The following RABEP1 variants were observed in gnomAD, a reference collection of about 807,000 sequenced individuals.
The protein encoded by RABEP1 is rabaptin, RAB GTPase binding effector protein 1.
Under a neutral mutation model 123.4 loss-of-function variants are expected in RABEP1, and 51 were observed. The ratio of observed to expected loss-of-function variants is 0.41; its 90% confidence interval spans 0.33 to 0.52. RABEP1 has a LOEUF of 0.52. RABEP1 is among the 20% of genes least tolerant of loss of function. RABEP1 has a pLI of 0.16. For synonymous variants in RABEP1, 347 were observed against 355.2 expected, an observed-to-expected ratio of 0.98 and a Z score of 0.26; for missense variants, 888 against 996.3, an observed-to-expected ratio of 0.89 and a Z score of 1.46.
intron 13 of RABEP1, among the ~76,000 whole-genome samples, chr17:5,373,691 T>G (rs1910718567): frequency 1.6e-5 from 1 of 63,406 alleles, no homozygotes; most frequent in African/African-American, 4.8e-5. Flanking sequence ...CTACACCAGC[T>G]AAACACACAC....
chr17:5,346,630 A>G (rs551337161), intron 5 of RABEP1, among the ~76,000 whole-genome samples, 160 bp from the exon 6 acceptor site: 3 of 152,306 alleles, frequency 2.0e-5, no homozygotes, highest in South Asian at 4.1e-4. Context: ...CCAGTTTTCT[A>G]TAGTACATAT....
At chr17:5,340,838 C>T (rs1347616984) in intron 5 of RABEP1, among the ~76,000 whole-genome samples, 2 of 151,032 alleles carry the variant, frequency 1.3e-5, no homozygotes, top group East Asian at 2.0e-4. Flanking sequence ...ATCCCAGCTA[C>T]TGGGGAGGCT....
intron 5 of RABEP1, among the ~76,000 whole-genome samples, chr17:5,344,538 C>T (rs923012264): frequency 8.0e-4 from 121 of 151,766 alleles, no homozygotes; most frequent in Non-Finnish European, 1.4e-3. Context: ...TTTGGGAGGC[C>T]GAGGCGGGCG....
chr17:5,377,440 T>A, intron 14 of RABEP1, 135 bp downstream of exon 14: 1 of 539,514 alleles, frequency 1.9e-6, no homozygotes, highest in Non-Finnish European at 3.0e-6. Flanking sequence ...GTCCATTTTT[T>A]GTAGATATTC....
chr17:5,290,122 C>G (rs1287352694), intron 1 of RABEP1, among the ~76,000 whole-genome samples: 2 of 152,226 alleles, frequency 1.3e-5, no homozygotes, highest in Non-Finnish European at 2.9e-5. Context: ...GAGTCTCGCT[C>G]TGTCGCCCAG....
intron 2 of RABEP1, 101 bp downstream of exon 2, chr17:5,308,923 T>C: frequency 8.4e-7 from 1 of 1,195,158 alleles, no homozygotes; most frequent in Non-Finnish European, 1.1e-6. Context: ...AAACCTTGAT[T>C]TTATTTGTAC....
Position 5,385,962 on chromosome 17 carries a change from G to A in RABEP1, c.*2739G>A. ...TAGGGTTCAGGGAGGTTCTGGCAGT[G>A]TGCAGTGTGAAATAATCCTGAGTCC... On this transcript the variant is annotated 3_prime_UTR_variant, in exon 18 of 18. Transcript: ENST00000537505. 2.2e-6 allele frequency: 1 copy of A among 457,906 alleles called. No individual in the cohort carries two copies. The highest frequency in any genetic ancestry group is 3.5e-5 in the East Asian group (1 of 28,226). 28.4% of individuals were successfully genotyped at this position (457,906 alleles called of 1,614,324 possible).
chr17:5,289,078 G>T (rs898738301), intron 1 of RABEP1, among the ~76,000 whole-genome samples: 2 of 151,992 alleles, frequency 1.3e-5, no homozygotes, highest in Admixed American at 6.6e-5. Context: ...TTATTGGCTG[G>T]CTGGCTTGCT....
chr17:5,380,318 G>T (rs905627961), intron 15 of RABEP1, 46 bp from the exon 16 acceptor site: 10 of 1,345,854 alleles, frequency 7.4e-6, no homozygotes, highest in Non-Finnish European at 8.2e-6. Flanking sequence ...GTGCACTGGG[G>T]CCCAGAGGGA....
chr17:5,357,778 A>G (rs1298005250), intron 8 of RABEP1, among the ~76,000 whole-genome samples: 2 of 152,234 alleles, frequency 1.3e-5, no homozygotes, highest in Non-Finnish European at 2.9e-5. Flanking sequence ...GCAGAGGTAC[A>G]GCACACCTTG....
At chr17:5,315,952 G>A (rs1194286576) in intron 2 of RABEP1, among the ~76,000 whole-genome samples, 1 of 152,244 alleles carries the variant, frequency 6.6e-6, no homozygotes, top group Non-Finnish European at 1.5e-5. Context: ...AGCTACCAGA[G>A]AAAAGAAACA....
In RABEP1 at chr17:5,361,324, A is replaced by G; in HGVS notation, c.1212A>G (p.Arg404=). Residue 404 remains arginine (R), a synonymous_variant, in exon 9 of 18, where the codon AGA becomes AGG. Transcript: ENST00000537505. ...ACATGTTTAAAGATGGACTCAGGAG[A>G]GCACAGTCTACAGACAGCTTGGGAA... ...DNDMFKDGLR[R]AQSTDSLGTS... The G allele has an allele frequency of 2.5e-6, 4 of 1,614,146 alleles. No homozygotes were observed. Among genetic ancestry groups the G allele is most frequent in the Non-Finnish European group, 3.4e-6 (4 of 1,180,036 alleles).
At chr17:5,311,755 G>A (rs1567874940) in intron 2 of RABEP1, among the ~76,000 whole-genome samples, 1 of 149,934 alleles carries the variant, frequency 6.7e-6, no homozygotes, top group Non-Finnish European at 1.5e-5. Context: ...AAAATCATTG[G>A]AAATGCAGCT....
At position 5,335,213 on chromosome 17, in the gene RABEP1, C is replaced by T. The variant is rs759138228; in HGVS notation, c.397C>T (p.His133Tyr). 1.4e-5 allele frequency: 22 copies of T among 1,612,688 alleles called. No individual in the cohort carries two copies. In the South Asian group the frequency reaches 2.2e-4, roughly 16 times the overall value. The change falls in exon 4 of 18, where the codon CAC (histidine) becomes TAC (tyrosine). Residue 133 changes from histidine to tyrosine, a missense_variant. His to Tyr is a moderately conservative substitution (Grantham distance 83). Coordinates refer to ENST00000537505, the MANE Select transcript of RABEP1 (RefSeq NM_004703.6). ...AGTTCGTGACTATGAGCACCAGTTCCACCTTAGGCTGGAGCAGGAGCGAAC... is the reference window on the plus strand; with the variant it reads ...AGTTCGTGACTATGAGCACCAGTTCTACCTTAGGCTGGAGCAGGAGCGAAC... ...ETVRDYEHQF[H>Y]LRLEQERTQW...
At chr17:5,355,192 G>T (rs759599042) in intron 8 of RABEP1, among the ~76,000 whole-genome samples, 4 of 152,158 alleles carry the variant, frequency 2.6e-5, no homozygotes, top group African/African-American at 4.8e-5. Context: ...ATATAATTAA[G>T]CACACATTCC....
intron 2 of RABEP1, among the ~76,000 whole-genome samples, chr17:5,310,604 G>T (rs1423900386): frequency 6.6e-6 from 1 of 151,556 alleles, no homozygotes; most frequent in African/African-American, 2.4e-5. Context: ...CACCACGCCT[G>T]GCCAACTTCC....
At chr17:5,373,196 TC>T (rs2144712514) in intron 12 of RABEP1, 117 bp from the exon 13 acceptor site, 2 of 888,000 alleles carry the variant, frequency 2.3e-6, no homozygotes, top group Non-Finnish European at 3.2e-6. Flanking sequence ...TAGCAGAACT[TC>T]ACCATACCCC....
chr17:5,348,874 A>G (rs1908292601), intron 6 of RABEP1, among the ~76,000 whole-genome samples: 1 of 152,108 alleles, frequency 6.6e-6, no homozygotes, highest in South Asian at 2.1e-4. Context: ...TTTCTCTTAA[A>G]TAATAGTTTT....
chr17:5,290,668 C>T (rs964809446), intron 1 of RABEP1, among the ~76,000 whole-genome samples: 2 of 152,120 alleles, frequency 1.3e-5, no homozygotes, highest in Admixed American at 6.6e-5. Context: ...TCTTAGCTGA[C>T]TGCAACCTTG....
Sources: allele counts gnomAD v4.1 joint callset (sites outside exome capture counted in the v4.1 genomes callset), GRCh38; gene constraint gnomAD v4.1.1; transcripts MANE v1.5; gene names NCBI Gene and HGNC (gene_info 2026-07-23, HGNC 2026-07-21).